Variants in RALYL observed in about 807,000 individuals in gnomAD.
RALYL encodes the protein RALY RNA binding protein like.
In RALYL, 29 loss-of-function variants were observed where a neutral mutation model predicts 35.1. The ratio of observed to expected loss-of-function variants is 0.83; its 90% CI spans 0.61 to 1.13. The LOEUF is 1.13. Among genes scored for constraint, RALYL ranks in the 50% most tolerant of loss-of-function variants. RALYL has a pLI of 0.00. For synonymous variants in RALYL, 120 were observed against 127.6 expected, an observed-to-expected ratio of 0.94 and a Z score of 0.40; for missense variants, 359 against 360.4, an observed-to-expected ratio of 1.00 and a Z score of 0.03.
chr8:84,407,044 ACACT>A (rs1276985999), intron 1 of RALYL, among the ~76,000 whole-genome samples: 2 of 149,054 alleles, frequency 1.3e-5, no homozygotes, highest in Admixed American at 6.7e-5. Flanking sequence ...ATACACACAC[ACACT>A]CACACACACA....
At chr8:84,623,930 T>G (rs1264110993) in intron 2 of RALYL, among the ~76,000 whole-genome samples, 10 of 152,152 alleles carry the variant, frequency 6.6e-5, no homozygotes, top group Non-Finnish European at 5.9e-5. Flanking sequence ...TACATGAGGT[T>G]GGTAGGTCTG....
chr8:84,249,939 A>G lies in RALYL; in HGVS notation c.-24+65515A>G, dbSNP rs565768994. ...AATAAAATAACAAGAAGATATAAAA[A>G]GGTGATTTTTTTTTAGTAAGTAAAG... On this transcript the variant is annotated intron_variant, in intron 1 of 8. Transcript: ENST00000521268. 3.9e-4 allele frequency among the ~76,000 whole-genome samples: 60 copies of G among 152,104 alleles called. 1 individual carries two copies. Among genetic ancestry groups the G allele is most frequent in the African/African-American group, 1.4e-3 (59 of 41,564 alleles).
chr8:84,578,177 T>G (rs1809938534), intron 2 of RALYL, among the ~76,000 whole-genome samples: 1 of 152,248 alleles, frequency 6.6e-6, no homozygotes, highest in South Asian at 2.1e-4. Context: ...CACTGGCTGC[T>G]GCAGTGGGAT....
chr8:84,198,711 A>G (rs1437434783), intron 1 of RALYL, among the ~76,000 whole-genome samples: 1 of 151,810 alleles, frequency 6.6e-6, no homozygotes, highest in African/African-American at 2.4e-5. Flanking sequence ...GAGTTTGGGG[A>G]CGTTTGGATC....
At chr8:84,339,758 T>G (rs141874490) in intron 1 of RALYL, among the ~76,000 whole-genome samples, 1 of 152,060 alleles carries the variant, frequency 6.6e-6, no homozygotes, top group East Asian at 1.9e-4. Context: ...ACAGAAAAAT[T>G]TGCAGTAAGC....
chr8:84,352,211 G>T (rs996262706), intron 1 of RALYL, among the ~76,000 whole-genome samples: 1 of 149,958 alleles, frequency 6.7e-6, no homozygotes, highest in Admixed American at 6.6e-5. Flanking sequence ...TAAATCCATT[G>T]CTAAATCCAG....
chr8:84,681,639 C>CTGTT (rs1835523390), intron 2 of RALYL, among the ~76,000 whole-genome samples: 2 of 151,586 alleles, frequency 1.3e-5, no homozygotes, highest in Admixed American at 6.6e-5. Flanking sequence ...ATTTGACTCT[C>CTGTT]TGTCTGTTAT....
intron 1 of RALYL, among the ~76,000 whole-genome samples, chr8:84,415,546 T>TGTA (rs3043831): frequency 0.52 from 79,242 of 151,570 alleles, 20,843 homozygotes; most frequent in South Asian, 0.62. Flanking sequence ...CCGACACTCT[T>TGTA]GTTCATCCAG....
chr8:84,875,129 G>GGCACTGAAATGTTTTAA (rs756849749), intron 7 of RALYL, among the ~76,000 whole-genome samples: 173 of 152,192 alleles, frequency 1.1e-3, no homozygotes, highest in East Asian at 1.3e-3. Flanking sequence ...TTTTTAACAT[G>GGCACTGAAATGTTTTAA]CTGTCTATGG....
chr8:84,501,259 G>A (rs184497959), intron 1 of RALYL, among the ~76,000 whole-genome samples: 4 of 152,184 alleles, frequency 2.6e-5, no homozygotes, highest in Admixed American at 6.5e-5. Flanking sequence ...TTTGCTCTCC[G>A]AAGTTAGATA....
chr8:84,689,667 G>T (rs546595087), intron 2 of RALYL, among the ~76,000 whole-genome samples: 63 of 152,132 alleles, frequency 4.1e-4, no homozygotes, highest in East Asian at 4.1e-3. Context: ...ACTTCCACAA[G>T]GGTTGAACTA....
intron 2 of RALYL, among the ~76,000 whole-genome samples, chr8:84,640,154 T>C (rs1826002271): frequency 6.6e-6 from 1 of 151,944 alleles, no homozygotes; most frequent in Non-Finnish European, 1.5e-5. Context: ...GAAACATAGG[T>C]CATTGTAAAA....
rs5892909 is a variant in RALYL at position 84,282,747 on chromosome 8, CGTGTGT to C, written c.-24+98350_-24+98355del. Among the ~76,000 whole-genome samples the C allele has an allele frequency of 9.4e-3, 1,402 of 148,744 alleles. 7 individuals carry two copies. Among genetic ancestry groups the C allele is most frequent in the South Asian group, 0.047 (219 of 4,702 alleles). ...ATATATGTATCTATATATGTGTATG[CGTGTGT>C]GTGTGTGTGTGTGTGTGTGTGTGTG... On this transcript the variant is annotated intron_variant, in intron 1 of 8. Coordinates refer to ENST00000521268, the MANE Select transcript of RALYL (RefSeq NM_173848.7).
At chr8:84,792,236 G>A (rs1820956909) in intron 3 of RALYL, among the ~76,000 whole-genome samples, 1 of 152,214 alleles carries the variant, frequency 6.6e-6, no homozygotes, top group African/African-American at 2.4e-5. Context: ...AAAGATGAAT[G>A]CGGGGTTTTG....
intron 2 of RALYL, among the ~76,000 whole-genome samples, chr8:84,691,344 A>G (rs1838009435): frequency 6.6e-6 from 1 of 152,054 alleles, no homozygotes; most frequent in African/African-American, 2.4e-5. Context: ...TTGAGATAGA[A>G]TCTAGGGCAC....
intron 1 of RALYL, among the ~76,000 whole-genome samples, chr8:84,527,231 G>A (rs2058967215): frequency 6.6e-6 from 1 of 151,884 alleles, no homozygotes; most frequent in Non-Finnish European, 1.5e-5. Flanking sequence ...TTGTCAGTTT[G>A]GAGGTACAGG....
chr8:84,528,122 CA>C (rs2059031443), intron 1 of RALYL, among the ~76,000 whole-genome samples: 1 of 152,072 alleles, frequency 6.6e-6, no homozygotes, highest in Admixed American at 6.6e-5. Flanking sequence ...AAATCAGATG[CA>C]CTTATTTTTG....
intron 2 of RALYL, among the ~76,000 whole-genome samples, chr8:84,670,698 A>T (rs565596713): frequency 3.3e-5 from 5 of 152,174 alleles, no homozygotes; most frequent in Non-Finnish European, 7.4e-5. Context: ...GTTAATCACT[A>T]TCATGAGAAC....
At chr8:84,458,661 A>G (rs1369659656) in intron 1 of RALYL, among the ~76,000 whole-genome samples, 3 of 151,788 alleles carry the variant, frequency 2.0e-5, no homozygotes, top group African/African-American at 7.2e-5. Flanking sequence ...ATAAAAAGAA[A>G]AGGTAAATCA....
Sources: allele counts gnomAD v4.1 joint callset (sites outside exome capture counted in the v4.1 genomes callset), GRCh38; gene constraint gnomAD v4.1.1; transcripts MANE v1.5; gene names NCBI Gene and HGNC (gene_info 2026-07-23, HGNC 2026-07-21).